Variants in KAZN observed in about 807,000 individuals in gnomAD.
KAZN encodes kazrin, periplakin interacting protein, also known as kazrin.
A neutral mutation model predicts 87.4 loss-of-function variants in KAZN; 40 were observed. That is an observed-to-expected ratio of 0.46 (90% CI 0.36 to 0.60). KAZN has a LOEUF of 0.60. KAZN is among the 20% of genes least tolerant of loss of function. KAZN has a pLI of 0.00. For synonymous variants in KAZN, 466 were observed against 458.3 expected (o/e 1.02, Z -0.22); for missense variants, 898 against 1,073.9 (o/e 0.84, Z 2.29).
chr1:14,487,964 C>T (rs1669435193), intron 2 of KAZN, among the ~76,000 whole-genome samples: 1 of 152,318 alleles, frequency 6.6e-6, no homozygotes, highest in African/African-American at 2.4e-5. Context: ...AAGGAGGTCA[C>T]ATGGGCCACT....
intron 1 of KAZN, among the ~76,000 whole-genome samples, chr1:13,969,639 T>C (rs753130000): frequency 2.0e-4 from 30 of 152,122 alleles, no homozygotes; most frequent in Admixed American, 6.5e-5. Context: ...TTGCACTGGC[T>C]GTTCCTTCTG....
chr1:14,749,968 A>G (rs1644366733), intron 1 of KAZN, among the ~76,000 whole-genome samples: 2 of 152,178 alleles, frequency 1.3e-5, no homozygotes, highest in African/African-American at 4.8e-5. Context: ...ACACAAATCT[A>G]TACATGGGGT....
At chr1:14,489,090 T>A (rs192446263) in intron 2 of KAZN, among the ~76,000 whole-genome samples, 1 of 152,342 alleles carries the variant, frequency 6.6e-6, no homozygotes, top group East Asian at 1.9e-4. Context: ...GGGAGCCAAA[T>A]TCTTTGGCAA....
intron 1 of KAZN, among the ~76,000 whole-genome samples, chr1:14,728,789 G>T (rs1643539753): frequency 6.6e-6 from 1 of 152,154 alleles, no homozygotes; most frequent in Admixed American, 6.5e-5. Context: ...GAACAAATTT[G>T]TGAAGGCCTC....
intron 2 of KAZN, among the ~76,000 whole-genome samples, chr1:14,275,053 A>G (rs1031949900): frequency 1.3e-5 from 2 of 152,144 alleles, no homozygotes; most frequent in African/African-American, 4.8e-5. Context: ...ATGCATACAT[A>G]CATTTTAAAG....
intron 1 of KAZN, among the ~76,000 whole-genome samples, chr1:14,068,107 G>A (rs1331675873): frequency 6.9e-6 from 1 of 144,082 alleles, no homozygotes; most frequent in Non-Finnish European, 1.5e-5. Context: ...GAGTGAGGGA[G>A]GGGTGTTGAT....
intron 1 of KAZN, among the ~76,000 whole-genome samples, chr1:14,117,805 T>C (rs1644660863): frequency 6.6e-6 from 1 of 152,150 alleles, no homozygotes. Context: ...GGGTTCTTGT[T>C]GCAGGTAAAT....
At position 13,966,876 on chromosome 1, in the gene KAZN, T is replaced by G. The variant is rs547073838; in HGVS notation, c.91+73120T>G. 1.1e-4 allele frequency among the ~76,000 whole-genome samples: 16 copies of G among 152,378 alleles called. 1 individual carries two copies. The highest frequency in any genetic ancestry group is 3.4e-3 in the Middle Eastern group (1 of 294). On this transcript the variant is annotated intron_variant, in intron 1 of 16. Coordinates refer to the KAZN transcript ENST00000636203. The stretch of plus-strand genomic sequence containing the variant: ...CATTTGACCTTTTTCTTTTTACTTT[T>G]TTAAATGCACTATCAGAAAATTAAA...
chr1:14,537,473 G>A (rs1296045861), intron 2 of KAZN, among the ~76,000 whole-genome samples: 1 of 152,102 alleles, frequency 6.6e-6, no homozygotes, highest in Non-Finnish European at 1.5e-5. Flanking sequence ...GTATGATCTT[G>A]GACAGCACAG....
chr1:14,920,635 A>G (rs531103825), intron 1 of KAZN, among the ~76,000 whole-genome samples: 3 of 152,192 alleles, frequency 2.0e-5, no homozygotes, highest in Non-Finnish European at 2.9e-5. Context: ...AACTGGCTAC[A>G]TAATTGGTAG....
chr1:14,667,157 C>T (rs939741942), intron 1 of KAZN, among the ~76,000 whole-genome samples: 1 of 152,166 alleles, frequency 6.6e-6, no homozygotes, highest in Admixed American at 6.5e-5. Context: ...TTTTTGTGGA[C>T]ACCATTGAAC....
intron 1 of KAZN, among the ~76,000 whole-genome samples, chr1:14,958,570 A>G (rs910855190): frequency 2.0e-5 from 3 of 152,148 alleles, no homozygotes; most frequent in Non-Finnish European, 2.9e-5. Context: ...CGTTTAACAG[A>G]TGCAGTGTCC....
chr1:14,513,338 A>G (rs1671018330), intron 2 of KAZN, among the ~76,000 whole-genome samples: 1 of 152,154 alleles, frequency 6.6e-6, no homozygotes, highest in Admixed American at 6.5e-5. Context: ...TGCTCAAGTT[A>G]CCGATAAATC....
rs1461295446 is a variant in KAZN at position 15,056,697 on chromosome 1, C to T, written c.916+417C>T. On this transcript the variant is annotated intron_variant, in intron 5 of 14. Coordinates refer to ENST00000376030, the MANE Select transcript of KAZN (RefSeq NM_201628.3). The surrounding 1 kb of genome is among the most constrained non-coding windows in gnomAD (Gnocchi z 5.4). The stretch of plus-strand genomic sequence containing the variant: ...ACTCTGATTGGCCACATCAGAGTCA[C>T]ATGGGCATCCTTTGGCAGGGGAGGC... Among the ~76,000 whole-genome samples, 1 of 152,208 alleles carries T rather than the reference C, an allele frequency of 6.6e-6. No homozygotes were observed. Among genetic ancestry groups the T allele is most frequent in the Non-Finnish European group, 1.5e-5 (1 of 68,036 alleles).
At chr1:15,028,237 G>A (rs1289810229) in intron 2 of KAZN, among the ~76,000 whole-genome samples, 1 of 152,188 alleles carries the variant, frequency 6.6e-6, no homozygotes, top group East Asian at 1.9e-4. Context: ...CCAGGAGCGG[G>A]CTGGTCTCAT....
chr1:13,947,622 G>A (rs542240235), intron 1 of KAZN, among the ~76,000 whole-genome samples: 1 of 152,186 alleles, frequency 6.6e-6, no homozygotes, highest in Non-Finnish European at 1.5e-5. Flanking sequence ...GTCTGCCCTG[G>A]CTGCCGTAAC....
chr1:14,620,420 G>C (rs1037958231), intron 1 of KAZN, among the ~76,000 whole-genome samples: 2 of 152,166 alleles, frequency 1.3e-5, no homozygotes, highest in African/African-American at 4.8e-5. Flanking sequence ...AATTATCACC[G>C]TTGTTATTAT....
chr1:14,571,955 T>G (rs1674895917), intron 2 of KAZN, among the ~76,000 whole-genome samples: 1 of 152,078 alleles, frequency 6.6e-6, no homozygotes, highest in African/African-American at 2.4e-5. Flanking sequence ...GCAGAGAAAC[T>G]GGAAGGATGT....
intron 1 of KAZN, among the ~76,000 whole-genome samples, chr1:14,854,970 T>C (rs1305828570): frequency 2.0e-5 from 3 of 152,146 alleles, no homozygotes. Context: ...TAGATGATTT[T>C]ATGGGCTGGA....
Sources: gnomAD v4.1 joint callset for allele counts (sites outside exome capture counted in the v4.1 genomes callset) on GRCh38, gnomAD v4.1.1 for gene constraint, Gnocchi (gnomAD v3.1) non-coding constraint, MANE v1.5 for transcripts, NCBI Gene and HGNC (gene_info 2026-07-23, HGNC 2026-07-21) for gene names.